Variants in SLC25A48 observed in about 807,000 individuals in gnomAD.
SLC25A48 encodes solute carrier family 25 member 48, also known as CTC-321K16.1.
SLC25A48 carries 29 observed loss-of-function variants against 32.2 expected under a neutral mutation model. That is an observed-to-expected ratio of 0.90 (90% CI 0.67 to 1.23). SLC25A48 has a LOEUF of 1.23. Among genes scored for constraint, SLC25A48 ranks in the 50% most tolerant of loss-of-function variants. SLC25A48 has a pLI of 0.00. For missense variants in SLC25A48, 399 were observed against 422.7 expected (o/e 0.94, Z 0.49); for synonymous variants, 164 against 172.3 (o/e 0.95, Z 0.38).
At position 135,643,325 on chromosome 5, in the gene SLC25A48, A is replaced by T. The variant is rs541397908; in HGVS notation, c.-521+8369A>T. ...TTCTCAGTCTGGGGCTGAACACACA[A>T]GACTCTGTGAAGAGAAGGCTGAGCT... On this transcript the variant is annotated intron_variant, in intron 3 of 10. Coordinates refer to the SLC25A48 transcript ENST00000646290. 1.7e-3 allele frequency among the ~76,000 whole-genome samples: 254 copies of T among 152,342 alleles called. 2 individuals carry two copies. The highest frequency in any genetic ancestry group is 0.01 in the Middle Eastern group (3 of 294).
rs561999790 is a variant in SLC25A48, at chr5:135,805,238, C to T, written c.-520-7285C>T. 1.7e-4 allele frequency among the ~76,000 whole-genome samples: 26 copies of T among 149,588 alleles called. 1 individual carries two copies. The highest frequency in any genetic ancestry group is 1.5e-3 in the Admixed American group (22 of 14,932). ...GTCAGTGTACACCCTGTGTGTACAC[C>T]CGGGATATTATTTGTAATGTCCTAG... is the stretch of plus-strand genomic sequence containing the variant. On this transcript the variant is annotated intron_variant, in intron 3 of 10. Transcript: ENST00000646290.
intron 3 of SLC25A48, among the ~76,000 whole-genome samples, chr5:135,696,482 C>T (rs1754269665): frequency 6.6e-6 from 1 of 151,934 alleles, no homozygotes; most frequent in Non-Finnish European, 1.5e-5. Context: ...CAGGGATGCT[C>T]AGTGAATGCT....
At position 135,756,498 on chromosome 5, in the gene SLC25A48, A is replaced by AC. The variant is rs200712892; in HGVS notation, c.-520-56021dup. ...AGACCAGCCTGGCCAACATGGTGAA[A>AC]CCCCATCTCTACTAAAAATACAATT... On this transcript the variant is annotated intron_variant, in intron 3 of 10. Coordinates refer to the SLC25A48 transcript ENST00000646290. Among the ~76,000 whole-genome samples the AC allele has an allele frequency of 9.0e-3, 1,371 of 152,160 alleles. 25 individuals carry two copies. Among genetic ancestry groups the AC allele is most frequent in the African/African-American group, 0.031 (1,294 of 41,522 alleles).
chr5:135,840,050 A>G (rs1758860763), intron 1 of SLC25A48, among the ~76,000 whole-genome samples: 1 of 152,204 alleles, frequency 6.6e-6, no homozygotes, highest in Non-Finnish European at 1.5e-5. Context: ...AGGGCTTCTT[A>G]ATCTAAGTGG....
At chr5:135,642,404 A>G (rs1195616431) in intron 3 of SLC25A48, among the ~76,000 whole-genome samples, 1 of 152,216 alleles carries the variant, frequency 6.6e-6, no homozygotes, top group Non-Finnish European at 1.5e-5. Context: ...AGAACCCAGG[A>G]CTGCCCTGTC....
intron 3 of SLC25A48, among the ~76,000 whole-genome samples, chr5:135,810,799 C>A (rs1036315920): frequency 6.6e-5 from 10 of 152,210 alleles, no homozygotes; most frequent in African/African-American, 2.2e-4. Context: ...TATTAGGGAA[C>A]GTCTTTTCCA....
intron 3 of SLC25A48, among the ~76,000 whole-genome samples, chr5:135,692,929 G>A (rs968395590): frequency 8.5e-5 from 13 of 152,208 alleles, no homozygotes; most frequent in African/African-American, 3.1e-4. Context: ...GGTCCAATGA[G>A]TAAAGGTCCT....
At chr5:135,874,288 A>G in intron 6 of SLC25A48, 134 bp downstream of exon 6, 1 of 1,132,282 alleles carries the variant, frequency 8.8e-7, no homozygotes, top group Non-Finnish European at 1.2e-6. Flanking sequence ...CAGGTGCCAC[A>G]AGTGGGTGCT....
intron 2 of SLC25A48, among the ~76,000 whole-genome samples, chr5:135,848,557 T>A (rs938136198): frequency 9.2e-5 from 14 of 152,356 alleles, no homozygotes; most frequent in African/African-American, 3.1e-4. Context: ...GCTCTTCTTA[T>A]CCTTGGTTTA....
chr5:135,807,299 A>G (rs1271362457), intron 3 of SLC25A48, among the ~76,000 whole-genome samples: 1 of 149,796 alleles, frequency 6.7e-6, no homozygotes, highest in African/African-American at 2.4e-5. Context: ...ATTATCATGT[A>G]TATTTTCTTA....
chr5:135,614,669 T>C (rs1199710520), intron 1 of SLC25A48, among the ~76,000 whole-genome samples: 1 of 152,264 alleles, frequency 6.6e-6, no homozygotes, highest in Non-Finnish European at 1.5e-5. Context: ...TTTTATTCTG[T>C]TCATGTGATT....
intron 3 of SLC25A48, among the ~76,000 whole-genome samples, chr5:135,645,035 A>G (rs1386986753): frequency 6.6e-6 from 1 of 152,122 alleles, no homozygotes; most frequent in African/African-American, 2.4e-5. Flanking sequence ...CCATTCTAAA[A>G]CAGCCAAAGG....
intron 4 of SLC25A48, among the ~76,000 whole-genome samples, chr5:135,861,078 A>G (rs1416745789): frequency 1.3e-5 from 2 of 152,298 alleles, no homozygotes; most frequent in Non-Finnish European, 2.9e-5. Flanking sequence ...GAAAGTGCCC[A>G]TTCATGCAAT....
At chr5:135,729,176 C>T (rs1401647344) in intron 3 of SLC25A48, among the ~76,000 whole-genome samples, 1 of 152,090 alleles carries the variant, frequency 6.6e-6, no homozygotes, top group Non-Finnish European at 1.5e-5. Context: ...AGCTTTGACT[C>T]CCATTGTCAC....
intron 3 of SLC25A48, among the ~76,000 whole-genome samples, chr5:135,783,467 T>C (rs1435399910): frequency 8.8e-6 from 1 of 113,152 alleles, no homozygotes; most frequent in African/African-American, 2.7e-5. Context: ...ATTCGCACTA[T>C]TGCAGGGGCT....
chr5:135,632,714 A>G (rs1752605506), intron 2 of SLC25A48, among the ~76,000 whole-genome samples: 1 of 152,212 alleles, frequency 6.6e-6, no homozygotes, highest in Non-Finnish European at 1.5e-5. Flanking sequence ...TCATTATACT[A>G]ATTTGAAAGG....
intron 2 of SLC25A48, among the ~76,000 whole-genome samples, chr5:135,632,475 T>C (rs1340640360): frequency 1.3e-5 from 2 of 152,084 alleles, no homozygotes; most frequent in East Asian, 1.9e-4. Flanking sequence ...GCTCAGGGAT[T>C]GATTATGAAG....
At chr5:135,771,087 C>A (rs534551672) in intron 3 of SLC25A48, among the ~76,000 whole-genome samples, 1 of 139,398 alleles carries the variant, frequency 7.2e-6, no homozygotes, top group Non-Finnish European at 1.6e-5. Context: ...ATATTACTTT[C>A]AATATCGTGG....
chr5:135,744,716 A>G (rs1755598585), intron 3 of SLC25A48, among the ~76,000 whole-genome samples: 1 of 152,092 alleles, frequency 6.6e-6, no homozygotes, highest in African/African-American at 2.4e-5. Flanking sequence ...GGACCCAAGA[A>G]TCAAACCCAA....
Sources: gnomAD v4.1 joint callset for allele counts (sites outside exome capture counted in the v4.1 genomes callset) on GRCh38, gnomAD v4.1.1 for gene constraint, MANE v1.5 for transcripts, NCBI Gene and HGNC (gene_info 2026-07-23, HGNC 2026-07-21) for gene names.